The following RRBP1 variants were observed in gnomAD, a reference collection of about 807,000 sequenced individuals.
RRBP1 encodes the protein ribosome binding protein 1, also known as ribosome-binding protein 1.
In RRBP1, 94 loss-of-function variants were observed where a neutral mutation model predicts 165.2. That is an observed-to-expected ratio of 0.57 (90% CI 0.48 to 0.68). The LOEUF (loss-of-function observed/expected upper bound fraction) is 0.68, where lower values mean the gene tolerates loss of function less well. RRBP1 is among the 30% of genes least tolerant of loss of function. RRBP1 has a pLI of 0.00. For missense variants in RRBP1, 1,676 were observed against 1,763.0 expected (o/e 0.95, Z 0.88); for synonymous variants, 680 against 714.5 (o/e 0.95, Z 0.77).
chr20:17,634,576 C>T (rs1478344660), intron 7 of RRBP1, among the ~76,000 whole-genome samples: 1 of 152,230 alleles, frequency 6.6e-6, no homozygotes, highest in Admixed American at 6.5e-5. Flanking sequence ...CTGCTGAGAG[C>T]CACCCACCAG....
intron 13 of RRBP1, among the ~76,000 whole-genome samples, chr20:17,622,575 C>T (rs2035935900): frequency 6.6e-6 from 1 of 152,056 alleles, no homozygotes; most frequent in Non-Finnish European, 1.5e-5. Context: ...AGGGACTTTG[C>T]ACCCTGTGCC....
chr20:17,629,672 C>CT lies in RRBP1; in HGVS notation c.2749+150dup. On this transcript the variant is annotated intron_variant, in intron 9 of 24. Coordinates refer to ENST00000377813, the MANE Select transcript of RRBP1 (RefSeq NM_001365613.2). ...CCCTGACTGGGCATAATCCCCTGCTCTTTGACTTTCTGAGGGGCAGTCAAG... is the reference window on the plus strand; with the variant it reads ...CCCTGACTGGGCATAATCCCCTGCTCTTTTGACTTTCTGAGGGGCAGTCAAG... 3.6e-6 allele frequency: 3 copies of CT among 827,664 alleles called. No individual in the cohort carries two copies. The South Asian group carries it at 5.8e-5, about 16-fold the overall frequency. 51.3% of individuals were successfully genotyped at this position (827,664 alleles called of 1,614,324 possible).
intron 11 of RRBP1, 58 bp from the exon 12 acceptor site, chr20:17,625,660 TC>T: frequency 7.0e-7 from 1 of 1,422,054 alleles, no homozygotes; most frequent in African/African-American, 1.4e-5. Context: ...CCCCTACAGA[TC>T]CCACCTGAGG....
At chr20:17,681,593 G>A (rs1303205449) in intron 1 of RRBP1, among the ~76,000 whole-genome samples, 1 of 131,100 alleles carries the variant, frequency 7.6e-6, no homozygotes, top group African/African-American at 2.9e-5. Flanking sequence ...AACGTCATCC[G>A]GCGGCTTCCC....
At chr20:17,672,918 C>T (rs751782802) in intron 2 of RRBP1, among the ~76,000 whole-genome samples, 9 of 152,142 alleles carry the variant, frequency 5.9e-5, no homozygotes, top group South Asian at 2.1e-4. Context: ...AGTTCAAACA[C>T]AAGCAAAATC....
At chr20:17,615,855 A>G (rs1874012793) in intron 22 of RRBP1, 71 bp downstream of exon 22, 2 of 1,342,390 alleles carry the variant, frequency 1.5e-6, no homozygotes, top group Admixed American at 1.7e-5. Context: ...GGCAGGGCTG[A>G]CCCACTCATT....
chr20:17,665,717 T>A (rs933079037), intron 2 of RRBP1, among the ~76,000 whole-genome samples: 1 of 152,186 alleles, frequency 6.6e-6, no homozygotes, highest in Non-Finnish European at 1.5e-5. Flanking sequence ...ACCATATGAG[T>A]GAAAAATCTC....
At chr20:17,661,654 A>G (rs1330044260) in intron 2 of RRBP1, among the ~76,000 whole-genome samples, 1 of 152,194 alleles carries the variant, frequency 6.6e-6, no homozygotes, top group Admixed American at 6.5e-5. Context: ...GAATGAGCAA[A>G]GAGAACACAA....
Position 17,616,671 on chromosome 20 carries a change from AGCAGGGCCT to A in RRBP1, c.3867+52_3867+60del, listed in dbSNP as rs1352552459. On this transcript the variant is annotated intron_variant, in intron 21 of 24. Coordinates refer to ENST00000377813, the MANE Select transcript of RRBP1 (RefSeq NM_001365613.2). ...TGCGGGGTTTAGTCCGAACGGAGGC[AGCAGGGCCT>A]GCACTCTTCTGGGATTAGTGATGTG... is the stretch of plus-strand genomic sequence containing the variant. The A allele has an allele frequency of 1.1e-5, 13 of 1,157,720 alleles. No homozygotes were observed. In the South Asian group the frequency reaches 1.3e-4, roughly 11 times the overall value. The allele number at this position is 1,157,720 out of a possible 1,614,324, so 71.7% of individuals were successfully genotyped here.
chr20:17,638,283 C>G (rs992909387), intron 5 of RRBP1, among the ~76,000 whole-genome samples: 1 of 152,258 alleles, frequency 6.6e-6, no homozygotes, highest in Non-Finnish European at 1.5e-5. Flanking sequence ...AACGGCCCTT[C>G]CAAGTAGATG....
intron 3 of RRBP1, among the ~76,000 whole-genome samples, chr20:17,656,024 A>T (rs2122430345): frequency 6.6e-6 from 1 of 152,270 alleles, no homozygotes; most frequent in Admixed American, 6.5e-5. Context: ...AAAGTTTAAG[A>T]AGCACTTCAG....
intron 13 of RRBP1, among the ~76,000 whole-genome samples, chr20:17,624,059 C>T (rs916359546): frequency 2.6e-5 from 4 of 152,228 alleles, no homozygotes; most frequent in Non-Finnish European, 4.4e-5. Context: ...AGTGCAGCCT[C>T]GGGCTCACTG....
At chr20:17,656,704 C>T (rs562429819) in intron 3 of RRBP1, among the ~76,000 whole-genome samples, 2 of 152,308 alleles carry the variant, frequency 1.3e-5, no homozygotes, top group South Asian at 4.1e-4. Context: ...ATTATTCTTA[C>T]CTATTTTTCC....
In RRBP1 at chr20:17,614,782, C is replaced by T; in HGVS notation, c.4149G>A (p.Arg1383=). 1 of 1,613,776 alleles carries T rather than the reference C, an allele frequency of 6.2e-7. No individual in the cohort carries two copies. Among genetic ancestry groups the T allele is most frequent in the South Asian group, 1.1e-5 (1 of 91,086 alleles). Residue 1383 remains arginine, a synonymous_variant, in exon 24 of 25, where the codon AGG becomes AGA. Transcript: ENST00000377813. ...GCAGCTTCTTCACCGTGTCCTTCTC[C>T]CTTGCCAGCTGCTCCTGGGTCGTCT... ...LLKTTQEQLA[R]EKDTVKKLQE...
At chr20:17,625,784 A>G (rs551488579) in intron 11 of RRBP1, among the ~76,000 whole-genome samples, 182 bp from the exon 12 acceptor site, 17 of 144,190 alleles carry the variant, frequency 1.2e-4, no homozygotes, top group African/African-American at 4.1e-4. Flanking sequence ...AGCAGCCCCC[A>G]ACACCCTCCC....
intron 2 of RRBP1, among the ~76,000 whole-genome samples, chr20:17,661,723 G>C (rs1017818105): frequency 6.6e-6 from 1 of 152,156 alleles, no homozygotes. Flanking sequence ...AGGAGGGGAA[G>C]TGGACAGGCC....
At chr20:17,617,755 C>T (rs751003730) in intron 20 of RRBP1, among the ~76,000 whole-genome samples, 6 of 152,220 alleles carry the variant, frequency 3.9e-5, no homozygotes, top group Non-Finnish European at 5.9e-5. Context: ...GTGTTGGGAG[C>T]GTGTGCCGGA....
intron 1 of RRBP1, 110 bp downstream of exon 1, chr20:17,681,918 G>C (rs1433871581): frequency 2.0e-5 from 3 of 147,298 alleles, no homozygotes; most frequent in Non-Finnish European, 3.0e-5. Flanking sequence ...GGCGGGCCGG[G>C]GGAGGGGCCG....
In RRBP1 at chr20:17,635,769, A is replaced by C. The variant is rs2036236296; in HGVS notation, c.2338-105T>G. 3 of 836,080 alleles carry C rather than the reference A, an allele frequency of 3.6e-6. No individual in the cohort carries two copies. In the South Asian group the frequency reaches 4.5e-5, roughly 12 times the overall value. 51.8% of individuals were successfully genotyped at this position (836,080 alleles called of 1,614,324 possible). A position where few individuals can be genotyped will look rare whatever the true frequency, so the allele number is the denominator to read the frequency against. On this transcript the variant is annotated intron_variant, in intron 6 of 24. Transcript: ENST00000377813. ...ACACAGCCCACAAAAGAAAACCCCC[A>C]AAAGCCTCCACCTTTTCCACGTGGA...
Sources: gnomAD v4.1 joint callset for allele counts (sites outside exome capture counted in the v4.1 genomes callset) on GRCh38, gnomAD v4.1.1 for gene constraint, MANE v1.5 for transcripts, NCBI Gene and HGNC (gene_info 2026-07-23, HGNC 2026-07-21) for gene names.